The following ZNF407 variants were observed in gnomAD, a reference collection of about 807,000 sequenced individuals.
The protein encoded by ZNF407 is zinc finger protein 407.
ZNF407 carries 17 observed loss-of-function variants against 131.2 expected under a neutral mutation model. The ratio of observed to expected loss-of-function variants is 0.13; its 90% confidence interval spans 0.09 to 0.19. ZNF407 has a LOEUF of 0.19. Ranked by LOEUF, ZNF407 falls within the 10% of genes least tolerant of loss-of-function variation. The pLI is 1.00. For synonymous variants in ZNF407, 1,156 were observed against 1,062.0 expected (o/e 1.09, Z -1.72); for missense variants, 2,681 against 2,830.6 (o/e 0.95, Z 1.20).
chr18:74,806,033 A>G (rs980759802), intron 4 of ZNF407, among the ~76,000 whole-genome samples: 4 of 152,202 alleles, frequency 2.6e-5, no homozygotes, highest in Non-Finnish European at 4.4e-5. Context: ...TTGAGTTTTT[A>G]AATGATTTAT....
chr18:74,826,208 T>G (rs1970407531), intron 4 of ZNF407, among the ~76,000 whole-genome samples: 1 of 152,214 alleles, frequency 6.6e-6, no homozygotes, highest in African/African-American at 2.4e-5. Context: ...CAAGTCTGTA[T>G]GCAGGTAAGT....
intron 1 of ZNF407, among the ~76,000 whole-genome samples, chr18:74,612,795 A>C (rs888272264): frequency 6.6e-6 from 1 of 152,178 alleles, no homozygotes; most frequent in South Asian, 2.1e-4. Context: ...GGGCACAGAG[A>C]GATCAGGCAC....
chr18:74,946,246 G>T (rs1452405999), intron 8 of ZNF407, among the ~76,000 whole-genome samples: 1 of 152,142 alleles, frequency 6.6e-6, no homozygotes, highest in East Asian at 1.9e-4. Context: ...TCAGGTTTGT[G>T]ACTAACAGTA....
chr18:74,717,132 C>G (rs1031530222), intron 3 of ZNF407, among the ~76,000 whole-genome samples: 1 of 152,084 alleles, frequency 6.6e-6, no homozygotes, highest in African/African-American at 2.4e-5. Context: ...CAGATTGGCC[C>G]AGGTGATTCT....
At chr18:74,823,244 C>A (rs1736451826) in intron 4 of ZNF407, among the ~76,000 whole-genome samples, 1 of 152,138 alleles carries the variant, frequency 6.6e-6, no homozygotes, top group Non-Finnish European at 1.5e-5. Context: ...CCAGTACCAG[C>A]CACTGCAAAA....
chr18:74,698,497 G>T (rs1286151918), intron 3 of ZNF407, among the ~76,000 whole-genome samples: 1 of 152,124 alleles, frequency 6.6e-6, no homozygotes, highest in Non-Finnish European at 1.5e-5. Context: ...GCATCTTTTA[G>T]ACTGAGCAAT....
intron 4 of ZNF407, among the ~76,000 whole-genome samples, chr18:74,849,272 G>C (rs1396878896): frequency 6.6e-6 from 1 of 151,802 alleles, no homozygotes; most frequent in East Asian, 1.9e-4. Context: ...TAGATACGGG[G>C]TTTCGCTATA....
intron 1 of ZNF407, among the ~76,000 whole-genome samples, chr18:74,604,441 G>C (rs1599121116): frequency 1.3e-5 from 2 of 152,314 alleles, no homozygotes; most frequent in African/African-American, 4.8e-5. Context: ...TGAAGAAGGG[G>C]AAGAACAAGA....
chr18:74,754,337 C>G (rs1968878812), intron 3 of ZNF407, among the ~76,000 whole-genome samples: 1 of 152,054 alleles, frequency 6.6e-6, no homozygotes, highest in Non-Finnish European at 1.5e-5. Context: ...TTTTTTGTGT[C>G]TCTTATTTCC....
chr18:74,969,087 T>G (rs562754141), intron 8 of ZNF407, among the ~76,000 whole-genome samples: 10 of 152,358 alleles, frequency 6.6e-5, no homozygotes, highest in Admixed American at 2.0e-4. Flanking sequence ...TTATTGCATT[T>G]TTTCAGTTCT....
At chr18:74,609,460 T>G (rs1268660134) in intron 1 of ZNF407, among the ~76,000 whole-genome samples, 1 of 152,186 alleles carries the variant, frequency 6.6e-6, no homozygotes, top group Non-Finnish European at 1.5e-5. Context: ...AAGTATTTTG[T>G]GTATCTAAAT....
chr18:74,634,319 G>A lies in ZNF407; in HGVS notation c.3300G>A (p.Glu1100=), dbSNP rs145895647. ...MSKNIIMPEE[E]HQQNSEEFQI... ...AAAACATCATTATGCCTGAAGAAGA[G>A]CATCAACAAAATTCTGAGGAATTTC... Residue 1100 remains glutamate, a synonymous_variant, in exon 2 of 9, where the codon GAG becomes GAA. Transcript: ENST00000299687. 1.1e-4 allele frequency: 172 copies of A among 1,613,910 alleles called. 1 individual carries two copies. The East Asian group carries it at 3.7e-3, about 35-fold the overall frequency.
At chr18:74,871,810 TAAAC>T (rs1305894990) in intron 4 of ZNF407, among the ~76,000 whole-genome samples, 1 of 152,048 alleles carries the variant, frequency 6.6e-6, no homozygotes. Flanking sequence ...TTTTCAAAAA[TAAAC>T]ACTTTGGAAG....
At chr18:74,982,330 C>A (rs936920701) in intron 8 of ZNF407, among the ~76,000 whole-genome samples, 4 of 152,202 alleles carry the variant, frequency 2.6e-5, no homozygotes, top group Non-Finnish European at 5.9e-5. Context: ...AAAACCCAGA[C>A]ATTCTATAGT....
chr18:74,677,385 G>A (rs74393713), intron 3 of ZNF407, among the ~76,000 whole-genome samples: 4,207 of 152,122 alleles, frequency 0.028, 89 homozygotes, highest in Middle Eastern at 0.048. Flanking sequence ...GCCGCCCTAC[G>A]GGGTCATCTT....
At chr18:74,918,651 G>C (rs1971805114) in intron 7 of ZNF407, among the ~76,000 whole-genome samples, 1 of 152,164 alleles carries the variant, frequency 6.6e-6, no homozygotes, top group Non-Finnish European at 1.5e-5. Flanking sequence ...GATTGACAGA[G>C]CCTTTGCCCA....
chr18:74,618,017 G>A (rs1037405823), intron 1 of ZNF407, among the ~76,000 whole-genome samples: 5 of 151,874 alleles, frequency 3.3e-5, no homozygotes, highest in Admixed American at 1.3e-4. Context: ...TCCTCTCTCC[G>A]TCCATCTCTC....
intron 4 of ZNF407, among the ~76,000 whole-genome samples, chr18:74,818,755 A>G (rs1470885357): frequency 6.6e-6 from 1 of 151,712 alleles, no homozygotes; most frequent in African/African-American, 2.4e-5. Context: ...ACATTCACTC[A>G]TATGTGGCCT....
At chr18:74,789,599 C>T (rs1217056910) in intron 4 of ZNF407, among the ~76,000 whole-genome samples, 3 of 152,114 alleles carry the variant, frequency 2.0e-5, no homozygotes, top group Non-Finnish European at 4.4e-5. Flanking sequence ...AAGTTGAGAA[C>T]TCCTTGGAAC....
Sources: gnomAD v4.1 joint callset for allele counts (sites outside exome capture counted in the v4.1 genomes callset) on GRCh38, gnomAD v4.1.1 for gene constraint, MANE v1.5 for transcripts, NCBI Gene and HGNC (gene_info 2026-07-23, HGNC 2026-07-21) for gene names.